Variants in ERLIN1 observed in about 807,000 individuals in gnomAD.
ERLIN1 encodes the protein erlin-1.
Under a neutral mutation model 46.9 loss-of-function variants are expected in ERLIN1, and 24 were observed. The observed-to-expected ratio is 0.51, with a 90% CI of 0.37 to 0.72. The LOEUF is 0.72. Among genes scored for constraint, ERLIN1 ranks in the 30% least tolerant of loss-of-function variants. The pLI, the probability that ERLIN1 is intolerant of heterozygous loss-of-function variation, is 0.00. For synonymous variants in ERLIN1, 158 were observed against 143.2 expected (o/e 1.10, Z -0.74); for missense variants, 293 against 417.9 (o/e 0.70, Z 2.61).
Position 100,185,919 on chromosome 10 carries a change from C to T in ERLIN1, c.-293G>A, listed in dbSNP as rs1844950680. On this transcript the variant is annotated 5_prime_UTR_variant, in exon 1 of 11. Transcript: ENST00000421367. ...AGGCACTAACTGAGAAGAAGCCCAGCCGCAGGCTCGCGAGGAAAGCCGACC... is the reference window on the plus strand; with the variant it reads ...AGGCACTAACTGAGAAGAAGCCCAGTCGCAGGCTCGCGAGGAAAGCCGACC... The T allele has an allele frequency of 2.2e-6, 1 of 456,418 alleles. No individual in the cohort carries two copies. The highest frequency in any genetic ancestry group is 3.9e-6 in the Non-Finnish European group (1 of 258,752). 28.3% of individuals were successfully genotyped at this position (456,418 alleles called of 1,614,324 possible).
Position 100,185,706 on chromosome 10 carries a change from TC to T in ERLIN1, c.-81del, listed in dbSNP as rs779760555. On this transcript the variant is annotated 5_prime_UTR_variant, in exon 1 of 11. An upstream open reading frame in the 5' UTR loses its in-frame stop. Transcript: ENST00000421367. ...TCCACCCCCTCCAGTTTCTACCCTC[TC>T]CCTCCGGAAACTTGGCGCTCTCTCG... 26 of 1,174,938 alleles carry T rather than the reference TC, an allele frequency of 2.2e-5. No individual in the cohort carries two copies. In the East Asian group the frequency reaches 2.3e-4, roughly 11 times the overall value. The allele number at this position is 1,174,938 out of a possible 1,614,324, so 72.8% of individuals were successfully genotyped here. A position where few individuals can be genotyped will look rare whatever the true frequency, so the allele number is the denominator to read the frequency against.
In ERLIN1 at chr10:100,154,648, CA is replaced by C. The variant is rs1313223632; in HGVS notation, c.825+211del. 3.3e-5 allele frequency among the ~76,000 whole-genome samples: 5 copies of C among 152,200 alleles called. No individual in the cohort carries two copies. The East Asian group carries it at 9.6e-4, about 29-fold the overall frequency. On this transcript the variant is annotated intron_variant, in intron 10 of 10. Coordinates refer to ENST00000421367, the MANE Select transcript of ERLIN1 (RefSeq NM_006459.4). The stretch of plus-strand genomic sequence containing the variant: ...TAATTAATTATTCAGCCTTATATAG[CA>C]GTACAAATGAATGGAATTACGGCAT...
chr10:100,154,505 T>C (rs927695111), intron 10 of ERLIN1, among the ~76,000 whole-genome samples: 2 of 152,214 alleles, frequency 1.3e-5, no homozygotes, highest in East Asian at 3.9e-4. Flanking sequence ...GGAATGCCTT[T>C]GATGAGAAAT....
chr10:100,155,499 G>C (rs886132745), intron 9 of ERLIN1, among the ~76,000 whole-genome samples: 3 of 151,644 alleles, frequency 2.0e-5, no homozygotes, highest in African/African-American at 7.3e-5. Context: ...GTCGTGATGG[G>C]GTTTATTTAT....
chr10:100,168,631 G>C (rs540229119), intron 6 of ERLIN1, among the ~76,000 whole-genome samples: 20 of 151,798 alleles, frequency 1.3e-4, no homozygotes, highest in South Asian at 6.3e-4. Context: ...TTAATTAAGA[G>C]ACTGGCCACA....
intron 4 of ERLIN1, among the ~76,000 whole-genome samples, 165 bp from the exon 5 acceptor site, chr10:100,176,235 G>A (rs1430750377): frequency 6.6e-6 from 1 of 152,162 alleles, no homozygotes; most frequent in African/African-American, 2.4e-5. Flanking sequence ...TGTTGCTTGT[G>A]CTCAATTTTC....
At position 100,174,196 on chromosome 10, in the gene ERLIN1, A is replaced by G; in HGVS notation, c.504+12T>C. 1 of 1,542,846 alleles carries G rather than the reference A, an allele frequency of 6.5e-7. No individual in the cohort carries two copies. The highest frequency in any genetic ancestry group is 8.8e-7 in the Non-Finnish European group (1 of 1,135,784). On this transcript the variant is annotated intron_variant, in intron 6 of 10. Transcript: ENST00000421367. Reference sequence around the variant, plus strand: ...AAAATCCCCAGAGAACTTCCCTAGGAAAAGAACTTACCTGTATAGTGAGAC... The same window carrying G: ...AAAATCCCCAGAGAACTTCCCTAGGGAAAGAACTTACCTGTATAGTGAGAC...
Position 100,152,210 on chromosome 10 carries a change from C to T in ERLIN1, c.968G>A (p.Arg323Lys). The change falls in exon 11 of 11, where the codon AGA (arginine) becomes AAA (lysine). Residue 323 changes from arginine (R) to lysine (K), a missense_variant. This residue lies in a region of ERLIN1 where 69 missense variants were observed against 74.5 expected (regional missense o/e 0.93). Transcript: ENST00000421367. Reference sequence around the variant, plus strand: ...CTCCTTAGAGGGGAGTGAGCTTTCTCTTCCAGTCCTAATATCTGAATATTT... The same window carrying T: ...CTCCTTAGAGGGGAGTGAGCTTTCTTTTCCAGTCCTAATATCTGAATATTT... ...ALKYSDIRTG[R>K]ESSLPSKEAL... 1 of 1,613,492 alleles carries T rather than the reference C, an allele frequency of 6.2e-7. No individual in the cohort carries two copies. Among genetic ancestry groups the T allele is most frequent in the Non-Finnish European group, 8.5e-7 (1 of 1,179,400 alleles).
chr10:100,174,313 T>C, intron 5 of ERLIN1, 32 bp from the exon 6 acceptor site: 1 of 1,479,776 alleles, frequency 6.8e-7, no homozygotes, highest in Non-Finnish European at 9.2e-7. Flanking sequence ...ACAGATCTCA[T>C]GATAGTCAAT....
chr10:100,160,538 G>A (rs1436923277), intron 8 of ERLIN1, among the ~76,000 whole-genome samples: 1 of 152,192 alleles, frequency 6.6e-6, no homozygotes, highest in African/African-American at 2.4e-5. Context: ...ATATAAAAAT[G>A]TATATAATGA....
At position 100,185,583 on chromosome 10, in the gene ERLIN1, C is replaced by G. The variant is rs754870943; in HGVS notation, c.44G>C (p.Gly15Ala). The stretch of plus-strand genomic sequence containing the variant: ...GGCGTAGAGCAGGACAGCCACCAAC[C>G]CCACCACTGCAGCCACCAGAACCCG... Reference protein sequence around the residue: ...QARVLVAAVVGLVAVLLYASI... With the variant: ...QARVLVAAVVALVAVLLYASI... Residue 15 changes from glycine to alanine, a missense_variant, in exon 1 of 11, where the codon GGG becomes GCG. Physicochemically the swap from Gly to Ala is moderately conservative, Grantham distance 60 (BLOSUM62 0). Coordinates refer to ENST00000421367, the MANE Select transcript of ERLIN1 (RefSeq NM_006459.4). 5 of 1,614,050 alleles carry G rather than the reference C, an allele frequency of 3.1e-6. No homozygotes were observed. The highest frequency in any genetic ancestry group is 4.2e-6 in the Non-Finnish European group (5 of 1,179,886).
chr10:100,163,702 T>G (rs1279912463), intron 8 of ERLIN1, among the ~76,000 whole-genome samples: 1 of 152,204 alleles, frequency 6.6e-6, no homozygotes, highest in Non-Finnish European at 1.5e-5. Context: ...ATTCTTAATC[T>G]GTACAAATGA....
At chr10:100,182,678 C>T (rs1844729645) in intron 2 of ERLIN1, among the ~76,000 whole-genome samples, 1 of 151,966 alleles carries the variant, frequency 6.6e-6, no homozygotes, top group African/African-American at 2.4e-5. Context: ...TGCAAGACAA[C>T]AATATTAAAG....
chr10:100,153,606 T>G (rs1385515785), intron 10 of ERLIN1, among the ~76,000 whole-genome samples: 4 of 152,346 alleles, frequency 2.6e-5, no homozygotes, highest in Middle Eastern at 3.4e-3. Flanking sequence ...CTCCAGGTGA[T>G]TCATATCCTC....
At chr10:100,171,398 T>C (rs1406173620) in intron 6 of ERLIN1, among the ~76,000 whole-genome samples, 2 of 151,664 alleles carry the variant, frequency 1.3e-5, no homozygotes, top group Admixed American at 1.3e-4. Flanking sequence ...AAGTTCTCTA[T>C]ATACAAATGC....
chr10:100,155,359 T>TG (rs1319202291), intron 9 of ERLIN1, among the ~76,000 whole-genome samples: 1 of 151,546 alleles, frequency 6.6e-6, no homozygotes, highest in Non-Finnish European at 1.5e-5. Flanking sequence ...ATATAACAAG[T>TG]GACTTCAAGA....
chr10:100,152,743 T>C (rs971116549), intron 10 of ERLIN1, among the ~76,000 whole-genome samples: 2 of 152,202 alleles, frequency 1.3e-5, no homozygotes, highest in Admixed American at 1.3e-4. Context: ...TTTATTTTTG[T>C]AGAGATGGGG....
intron 8 of ERLIN1, 114 bp from the exon 9 acceptor site, chr10:100,156,348 A>G: frequency 1.5e-6 from 1 of 666,292 alleles, no homozygotes; most frequent in African/African-American, 1.8e-5. Context: ...TTATGTGCTA[A>G]TTGTTTCACT....
intron 1 of ERLIN1, among the ~76,000 whole-genome samples, chr10:100,184,665 G>A (rs990436137): frequency 1.4e-4 from 21 of 152,164 alleles, no homozygotes; most frequent in African/African-American, 4.8e-4. Context: ...CTGTCAGAAA[G>A]ACAATGCTTT....
Sources: allele counts gnomAD v4.1 joint callset (sites outside exome capture counted in the v4.1 genomes callset), GRCh38; gene constraint gnomAD v4.1.1; regional missense constraint gnomAD v4.1.1; transcripts MANE v1.5; gene names NCBI Gene and HGNC (gene_info 2026-07-23, HGNC 2026-07-21).